The following CDK14 variants were observed in gnomAD, a reference collection of about 807,000 sequenced individuals.
The protein encoded by CDK14 is cyclin-dependent kinase 14.
Under a neutral mutation model 60.7 loss-of-function variants are expected in CDK14, and 34 were observed. The ratio of observed to expected loss-of-function variants is 0.56; its 90% confidence interval spans 0.43 to 0.75. The LOEUF is 0.75. CDK14 is among the 30% of genes least tolerant of loss of function. The pLI, the probability that CDK14 is intolerant of heterozygous loss-of-function variation, is 0.00. For synonymous variants in CDK14, 197 were observed against 203.7 expected, an observed-to-expected ratio of 0.97 and a Z score of 0.28; for missense variants, 482 against 564.1, an observed-to-expected ratio of 0.85 and a Z score of 1.47.
chr7:90,708,201 T>C (rs1270292374), intron 2 of CDK14, among the ~76,000 whole-genome samples: 1 of 152,184 alleles, frequency 6.6e-6, no homozygotes, highest in African/African-American at 2.4e-5. Context: ...AAAAATGCAA[T>C]TGGCGTGATT....
rs1799189002 is a variant in CDK14, at chr7:90,596,526, T to C, written c.-102T>C. The C allele has an allele frequency of 1.1e-6, 1 of 917,348 alleles. No homozygotes were observed. The allele number at this position is 917,348 out of a possible 1,614,324, so 56.8% of individuals were successfully genotyped here. On this transcript the variant is annotated 5_prime_UTR_variant, in exon 1 of 15. Transcript: ENST00000380050. ...GCTTCCCGGCCCGCCGAGGAGGTGGTGGAGGAGGAGGCGCCGCTTTCCCCG... is the reference window on the plus strand; with the variant it reads ...GCTTCCCGGCCCGCCGAGGAGGTGGCGGAGGAGGAGGCGCCGCTTTCCCCG...
At chr7:90,726,260 C>T in intron 2 of CDK14, 3 of 972,296 alleles carry the variant, frequency 3.1e-6, no homozygotes, top group Non-Finnish European at 3.7e-6. Context: ...CACTTCCAGT[C>T]AGATGGTAAA....
Position 90,786,999 on chromosome 7 carries a change from A to AT in CDK14, c.465-3568dup. On this transcript the variant is annotated intron_variant, in intron 4 of 14. Coordinates refer to ENST00000380050, the MANE Select transcript of CDK14 (RefSeq NM_001287135.2). ...GACTATTAAAAAATTTCTTAACGTTATTTTTTCCACAGCTGTCTTTTCTAA... is the reference window on the plus strand; with the variant it reads ...GACTATTAAAAAATTTCTTAACGTTATTTTTTTCCACAGCTGTCTTTTCTAA... Among the ~76,000 whole-genome samples the AT allele has an allele frequency of 1.3e-5, 2 of 150,850 alleles. 1 individual carries two copies. Among genetic ancestry groups the AT allele is most frequent in the South Asian group, 4.2e-4 (2 of 4,774 alleles).
chr7:90,650,639 G>T (rs543338286), intron 2 of CDK14, among the ~76,000 whole-genome samples: 1 of 152,280 alleles, frequency 6.6e-6, no homozygotes, highest in African/African-American at 2.4e-5. Flanking sequence ...TTTGTGTAAG[G>T]TGTAAGGAAG....
chr7:90,817,311 G>A (rs147023318), intron 5 of CDK14, among the ~76,000 whole-genome samples: 23 of 152,194 alleles, frequency 1.5e-4, no homozygotes, highest in African/African-American at 4.3e-4. Flanking sequence ...GAGTATACCC[G>A]TAAGAATCGA....
At chr7:90,665,447 A>G (rs1426191096) in intron 2 of CDK14, among the ~76,000 whole-genome samples, 1 of 152,262 alleles carries the variant, frequency 6.6e-6, no homozygotes, top group Non-Finnish European at 1.5e-5. Flanking sequence ...AGCAGAAAGC[A>G]GGAAAATATG....
chr7:91,007,833 T>A (rs1796023363), intron 10 of CDK14, among the ~76,000 whole-genome samples: 1 of 152,206 alleles, frequency 6.6e-6, no homozygotes, highest in Non-Finnish European at 1.5e-5. Context: ...TTTTTATTTT[T>A]ACACATGTCC....
At chr7:90,828,887 C>T (rs1247233418) in intron 5 of CDK14, among the ~76,000 whole-genome samples, 1 of 152,084 alleles carries the variant, frequency 6.6e-6, no homozygotes, top group Non-Finnish European at 1.5e-5. Context: ...TATATTAGTC[C>T]AGTTGCATAC....
At chr7:90,705,378 C>G (rs1801875285) in intron 2 of CDK14, among the ~76,000 whole-genome samples, 1 of 152,032 alleles carries the variant, frequency 6.6e-6, no homozygotes, top group Admixed American at 6.6e-5. Context: ...AAGTAATTCT[C>G]TATCCCTTTC....
intron 4 of CDK14, among the ~76,000 whole-genome samples, chr7:90,756,809 T>C (rs1301679290): frequency 1.3e-5 from 2 of 152,342 alleles, no homozygotes; most frequent in African/African-American, 4.8e-5. Flanking sequence ...CATAATCTTT[T>C]GCATCCTCCC....
At chr7:90,952,711 A>G (rs1422817462) in intron 8 of CDK14, among the ~76,000 whole-genome samples, 2 of 152,166 alleles carry the variant, frequency 1.3e-5, no homozygotes, top group Non-Finnish European at 2.9e-5. Context: ...TTTTGATAAT[A>G]ATCCATGAAC....
At chr7:91,201,375 C>T (rs532065438) in intron 14 of CDK14, among the ~76,000 whole-genome samples, 1 of 152,172 alleles carries the variant, frequency 6.6e-6, no homozygotes, top group East Asian at 1.9e-4. Flanking sequence ...GGAGAATATC[C>T]TGTTCACAAT....
At chr7:91,143,570 C>G (rs1435187244) in intron 14 of CDK14, among the ~76,000 whole-genome samples, 2 of 151,972 alleles carry the variant, frequency 1.3e-5, no homozygotes, top group Admixed American at 1.3e-4. Flanking sequence ...AAAAATAAAA[C>G]ATTAGCCAGG....
At chr7:90,737,933 A>G (rs556705111) in intron 3 of CDK14, among the ~76,000 whole-genome samples, 103 of 152,350 alleles carry the variant, frequency 6.8e-4, no homozygotes, top group Admixed American at 1.8e-3. Context: ...TGAAGTCAGT[A>G]TGAAGCTATG....
chr7:90,815,459 C>T (rs1385424104), intron 5 of CDK14, among the ~76,000 whole-genome samples: 1 of 152,186 alleles, frequency 6.6e-6, no homozygotes, highest in Non-Finnish European at 1.5e-5. Flanking sequence ...AACACTTTTA[C>T]ACTATTGGTG....
intron 12 of CDK14, among the ~76,000 whole-genome samples, chr7:91,107,961 A>G (rs1398824685): frequency 1.3e-5 from 2 of 152,204 alleles, no homozygotes; most frequent in African/African-American, 4.8e-5. Flanking sequence ...AGCTTGACAG[A>G]ATTGAAACCT....
intron 14 of CDK14, among the ~76,000 whole-genome samples, chr7:91,164,256 A>G (rs1801270953): frequency 6.6e-6 from 1 of 152,238 alleles, no homozygotes; most frequent in African/African-American, 2.4e-5. Context: ...CTGAGATCCA[A>G]AACTATGAGG....
At chr7:90,623,270 A>T (rs893037769) in intron 2 of CDK14, among the ~76,000 whole-genome samples, 16 of 152,120 alleles carry the variant, frequency 1.1e-4, no homozygotes, top group Non-Finnish European at 1.8e-4. Flanking sequence ...GAAAGAGTGG[A>T]TCTGTGCCCT....
chr7:90,973,630 A>T (rs1794988735), intron 9 of CDK14, among the ~76,000 whole-genome samples: 1 of 152,154 alleles, frequency 6.6e-6, no homozygotes, highest in Non-Finnish European at 1.5e-5. Flanking sequence ...AATAAAGAGA[A>T]AGAATACAAA....
Sources: allele counts gnomAD v4.1 joint callset (sites outside exome capture counted in the v4.1 genomes callset), GRCh38; gene constraint gnomAD v4.1.1; transcripts MANE v1.5; gene names NCBI Gene and HGNC (gene_info 2026-07-23, HGNC 2026-07-21).